Variants in REN observed in about 807,000 individuals in gnomAD.
REN encodes renin.
REN carries 42 observed loss-of-function variants against 48.6 expected under a neutral mutation model. The observed-to-expected ratio is 0.86, with a 90% confidence interval of 0.68 to 1.12. REN has a LOEUF of 1.12. Ranked by LOEUF, REN falls within the 50% of genes most tolerant of loss-of-function variation. REN has a pLI of 0.00. For missense variants in REN, 443 were observed against 527.3 expected, an observed-to-expected ratio of 0.84 and a Z score of 1.57; for synonymous variants, 196 against 204.6, an observed-to-expected ratio of 0.96 and a Z score of 0.36.
At chr1:204,155,318 A>G in intron 9 of REN, 141 bp from the exon 10 acceptor site, 1 of 941,514 alleles carries the variant, frequency 1.1e-6, no homozygotes, top group Non-Finnish European at 1.7e-6. Context: ...CCTCCCTCAC[A>G]TCATGGCCAT....
rs748060874 is a variant in REN, at chr1:204,164,565, C to CTTTTTTTT, written c.98+1623_98+1630dup. Among the ~76,000 whole-genome samples the CTTTTTTTT allele has an allele frequency of 1.5e-3, 145 of 93,688 alleles. 18 individuals carry two copies. The highest frequency in any genetic ancestry group is 0.014 in the East Asian group (37 of 2,642). 61.5% of individuals were successfully genotyped at this position (93,688 alleles called of 152,430 possible). On this transcript the variant is annotated intron_variant, in intron 1 of 9. Transcript: ENST00000272190. ...ATGCTGTCTCTTCCCCTTCTTCAGT[C>CTTTTTTTT]TTTTTTTTTTTTTTTTTTTTTTTTA...
At chr1:204,155,944 T>C in intron 8 of REN, 26 bp from the exon 9 acceptor site, 1 of 1,585,386 alleles carries the variant, frequency 6.3e-7, no homozygotes, top group Non-Finnish European at 8.7e-7. Context: ...AAGAGAGCCT[T>C]CTTGAGTATG....
rs1422936644 is a variant in REN, at chr1:204,160,661, C to T, written c.391G>A (p.Asp131Asn). The T allele has an allele frequency of 1.9e-6, 3 of 1,613,818 alleles. No individual in the cohort carries two copies. The highest frequency in any genetic ancestry group is 2.5e-6 in the Non-Finnish European group (3 of 1,179,700). The change falls in exon 4 of 10, where the codon GAT (aspartate) becomes AAT (asparagine). Residue 131 changes from aspartate (D) to asparagine (N), a missense_variant. By Grantham distance (23) the Asp-to-Asn change is conservative. Transcript: ENST00000272190. ...TTGTAGCTGGAGGAATCCGAAGCAT[C>T]GAAGAGCTTGTGATACACTGGCAGG... The part of the protein sequence containing the change: ...YTACVYHKLF[D>N]ASDSSSYKHN...
At chr1:204,162,823 G>C (rs532602732) in intron 1 of REN, among the ~76,000 whole-genome samples, 1 of 152,366 alleles carries the variant, frequency 6.6e-6, no homozygotes, top group South Asian at 2.1e-4. Flanking sequence ...CTCGTCCTTG[G>C]AGAGATGTGT....
chr1:204,162,071 A>T lies in REN; in HGVS notation c.191T>A (p.Met64Lys), dbSNP rs1658256605. Residue 64 changes from methionine (M) to lysine (K), a missense_variant, in exon 2 of 10, where the codon ATG becomes AAG. By Grantham distance (95) the Met-to-Lys change is moderately conservative. Coordinates refer to ENST00000272190, the MANE Select transcript of REN (RefSeq NM_000537.4). ...GGTGTTGCCAAGTGTCAGCCTCTTC[A>T]TGGGTTGGCTCCACTCGGGACCAAG... is the stretch of plus-strand genomic sequence containing the variant. ...ARLGPEWSQPMKRLTLGNTTS... is the reference protein window; with the variant it reads ...ARLGPEWSQPKKRLTLGNTTS... 6.2e-7 allele frequency: 1 copy of T among 1,614,038 alleles called. No homozygotes were observed.
intron 6 of REN, 81 bp downstream of exon 6, chr1:204,157,280 G>T: frequency 6.3e-7 from 1 of 1,578,400 alleles, no homozygotes; most frequent in Non-Finnish European, 8.7e-7. Flanking sequence ...TGAGTTTTGG[G>T]CCGGTGGCGT....
intron 5 of REN, 45 bp from the exon 6 acceptor site, chr1:204,157,414 C>G: frequency 6.2e-7 from 1 of 1,613,976 alleles, no homozygotes; most frequent in Non-Finnish European, 8.5e-7. Context: ...CATTTCATGC[C>G]AGCCTCATCA....
At chr1:204,158,371 T>C (rs1440208970) in intron 5 of REN, among the ~76,000 whole-genome samples, 1 of 151,360 alleles carries the variant, frequency 6.6e-6, no homozygotes, top group Non-Finnish European at 1.5e-5. Flanking sequence ...TCCTCTCCTC[T>C]ATTCTTTTTG....
chr1:204,159,461 G>A lies in REN; in HGVS notation c.627C>T (p.Ile209=). The change falls in exon 5 of 10, where the codon ATC becomes ATT. Residue 209 remains isoleucine, a synonymous_variant. Transcript: ENST00000272190. ...IEQAIGRVTP[I]FDNIISQGVL... ...CCCCTTGGGAGATGATGTTGTCGAA[G>A]ATAGGGGTGACCCTGCCAATGGCCT... 4 of 1,614,174 alleles carry A rather than the reference G, an allele frequency of 2.5e-6. No homozygotes were observed. The highest frequency in any genetic ancestry group is 3.4e-6 in the Non-Finnish European group (4 of 1,180,044).
chr1:204,163,135 G>C (rs1358188680), intron 1 of REN, among the ~76,000 whole-genome samples: 2 of 152,218 alleles, frequency 1.3e-5, no homozygotes, highest in Non-Finnish European at 2.9e-5. Context: ...GAAGGTCCCA[G>C]GATGGAAGCC....
intron 5 of REN, among the ~76,000 whole-genome samples, chr1:204,157,982 C>T (rs964459899): frequency 6.6e-6 from 1 of 152,164 alleles, no homozygotes; most frequent in Non-Finnish European, 1.5e-5. Context: ...AGCTCCTCTT[C>T]TTTCCACATT....
At chr1:204,163,324 C>G (rs1571649907) in intron 1 of REN, among the ~76,000 whole-genome samples, 1 of 152,182 alleles carries the variant, frequency 6.6e-6, no homozygotes, top group South Asian at 2.1e-4. Flanking sequence ...ACTTTTATGC[C>G]TATCAGCATG....
Position 204,156,469 on chromosome 1 carries a change from A to G in REN, c.819-150T>C. Reference sequence around the variant, plus strand: ...AGGCAGTGAGTAGAGGAGGGAAGGTACTGTCACCCTCCACCACTTCTCCCC... The same window carrying G: ...AGGCAGTGAGTAGAGGAGGGAAGGTGCTGTCACCCTCCACCACTTCTCCCC... On this transcript the variant is annotated intron_variant, in intron 7 of 9. Transcript: ENST00000272190. The surrounding 1 kb of genome is among the most constrained non-coding windows in gnomAD (Gnocchi z 4.2). 1 of 1,319,928 alleles carries G rather than the reference A, an allele frequency of 7.6e-7. No homozygotes were observed. 81.8% of individuals were successfully genotyped at this position (1,319,928 alleles called of 1,614,324 possible).
At position 204,155,078 on chromosome 1, in the gene REN, G is replaced by A. The variant is rs121917740; in HGVS notation, c.1159C>T (p.Arg387Ter). The change falls in exon 10 of 10, where the codon CGA becomes TGA. Residue 387 changes from arginine (R) to a stop codon, truncating the protein, a stop_gained. Transcript: ENST00000272190. LOFTEE classifies it high-confidence loss of function. ...PTWALGATFI[R>*]KFYTEFDRRN... Reference sequence around the variant, plus strand: ...CGATCAAACTCTGTGTAGAACTTTCGGATGAAGGTGGCCCCCAGGGCCCAG... The same window carrying A: ...CGATCAAACTCTGTGTAGAACTTTCAGATGAAGGTGGCCCCCAGGGCCCAG... 3.1e-6 allele frequency: 5 copies of A among 1,614,060 alleles called. No homozygotes were observed. The highest frequency in any genetic ancestry group is 4.2e-6 in the Non-Finnish European group (5 of 1,180,006).
chr1:204,158,595 G>T (rs888656321), intron 5 of REN, among the ~76,000 whole-genome samples: 12 of 151,900 alleles, frequency 7.9e-5, no homozygotes, highest in Admixed American at 6.6e-4. Flanking sequence ...TTTGCCTCCA[G>T]CTCTCTTGTC....
Position 204,156,911 on chromosome 1 carries a change from G to C in REN, c.699-115C>G. ...GGAGGACAGAGGGCTCTAGAGCAGA[G>C]GAATGTGGGACAGACAGCCAGGCTC... On this transcript the variant is annotated intron_variant, in intron 6 of 9. Coordinates refer to ENST00000272190, the MANE Select transcript of REN (RefSeq NM_000537.4). This position sits in a 1 kb window ranked among gnomAD's most constrained non-coding sequence, Gnocchi z 4.2. 7.5e-7 allele frequency: 1 copy of C among 1,330,578 alleles called. No homozygotes were observed. Among genetic ancestry groups the C allele is most frequent in the Non-Finnish European group, 1.1e-6 (1 of 936,908 alleles). The allele number at this position is 1,330,578 out of a possible 1,614,324, so 82.4% of individuals were successfully genotyped here.
chr1:204,161,758 C>T (rs1342161590), intron 2 of REN, among the ~76,000 whole-genome samples: 1 of 152,158 alleles, frequency 6.6e-6, no homozygotes, highest in Non-Finnish European at 1.5e-5. Context: ...CCTTCCCACC[C>T]ACCTGTGACA....
chr1:204,164,515 CT>C (rs1455895991), intron 1 of REN, among the ~76,000 whole-genome samples: 3 of 151,578 alleles, frequency 2.0e-5, no homozygotes, highest in South Asian at 2.1e-4. Flanking sequence ...TTGAAAACCC[CT>C]TTCTCTGTGA....
At chr1:204,164,627 G>A (rs75494071) in intron 1 of REN, among the ~76,000 whole-genome samples, 3,275 of 141,400 alleles carry the variant, frequency 0.023, 126 homozygotes, top group African/African-American at 0.08. Flanking sequence ...CTAGAGCACA[G>A]TGGGTCAGTC....
Sources: allele counts gnomAD v4.1 joint callset (sites outside exome capture counted in the v4.1 genomes callset), GRCh38; gene constraint gnomAD v4.1.1; non-coding constraint Gnocchi (gnomAD v3.1); transcripts MANE v1.5; gene names NCBI Gene and HGNC (gene_info 2026-07-23, HGNC 2026-07-21).